The following MLXIPL variants were observed in gnomAD, a reference collection of about 807,000 sequenced individuals.
MLXIPL encodes the protein MLX interacting protein like.
A neutral mutation model predicts 81.5 loss-of-function variants in MLXIPL; 49 were observed. That is an observed-to-expected ratio of 0.60 (90% CI 0.48 to 0.76). The LOEUF (loss-of-function observed/expected upper bound fraction) is 0.76. Ranked by LOEUF, MLXIPL falls within the 30% of genes least tolerant of loss-of-function variation. The pLI is 0.00. For missense variants in MLXIPL, 1,053 were observed against 1,167.0 expected (o/e 0.90, Z 1.42); for synonymous variants, 466 against 485.5 (o/e 0.96, Z 0.53).
chr7:73,637,084 T>A, the MLXIPL span, among the ~76,000 whole-genome samples: 1 of 146,148 alleles, frequency 6.8e-6, no homozygotes, highest in Non-Finnish European at 1.5e-5. Context: ...AATAACAAAC[T>A]GGGCATATAA....
chr7:73,646,232 C>T, the MLXIPL span, among the ~76,000 whole-genome samples: 2 of 152,192 alleles, frequency 1.3e-5, no homozygotes, highest in Non-Finnish European at 2.9e-5. Flanking sequence ...GGGCCATTGC[C>T]TGAAGGCACT....
At chr7:73,639,085 G>A in the MLXIPL span, among the ~76,000 whole-genome samples, 2 of 152,104 alleles carry the variant, frequency 1.3e-5, no homozygotes, top group East Asian at 1.9e-4. Flanking sequence ...ATGAGTGGAC[G>A]GTGGGGAGGA....
the MLXIPL span, among the ~76,000 whole-genome samples, chr7:73,635,808 A>G: frequency 3.3e-5 from 5 of 151,928 alleles, no homozygotes; most frequent in African/African-American, 9.7e-5. Context: ...GTATACACCT[A>G]CCTAACTTTC....
chr7:73,645,408 G>A, the MLXIPL span, among the ~76,000 whole-genome samples: 1 of 152,086 alleles, frequency 6.6e-6, no homozygotes, highest in Non-Finnish European at 1.5e-5. Context: ...TCCCTTGTTG[G>A]GGGCCCCCTT....
rs1554592558 is a variant in MLXIPL at position 73,593,512 on chromosome 7, G to A, written c.*353C>T. The A allele has an allele frequency of 2.7e-5, 9 of 330,552 alleles. No individual in the cohort carries two copies. Among genetic ancestry groups the A allele is most frequent in the East Asian group, 7.6e-5 (1 of 13,212 alleles). 20.5% of individuals were successfully genotyped at this position (330,552 alleles called of 1,614,324 possible). A position where few individuals can be genotyped will look rare whatever the true frequency, so the allele number is the denominator to read the frequency against. The stretch of plus-strand genomic sequence containing the variant: ...CTCCTCTTTCCACCGTTGAGCCCCC[G>A]GAGTTGCCAGCCTAGGCCCCCAATG... On this transcript the variant is annotated 3_prime_UTR_variant, in exon 17 of 17. Coordinates refer to ENST00000313375, the MANE Select transcript of MLXIPL (RefSeq NM_032951.3).
rs1554593336 is a variant in MLXIPL at position 73,595,620 on chromosome 7, G to A, written c.2310+17C>T. ...CAGCCCCTGCAGCCCCCCAGCCATG[G>A]GCTTGAGGGAGGATACCACCCAGAA... On this transcript the variant is annotated intron_variant, in intron 15 of 16. Transcript: ENST00000313375. The A allele has an allele frequency of 1.2e-6, 2 of 1,614,112 alleles. No homozygotes were observed. Among genetic ancestry groups the A allele is most frequent in the Non-Finnish European group, 1.7e-6 (2 of 1,179,986 alleles).
At position 73,596,039 on chromosome 7, in the gene MLXIPL, G is replaced by T. The variant is rs782637900; in HGVS notation, c.2059-70C>A. On this transcript the variant is annotated intron_variant, in intron 13 of 16. Coordinates refer to ENST00000313375, the MANE Select transcript of MLXIPL (RefSeq NM_032951.3). The surrounding 1 kb of genome is among the most constrained non-coding windows in gnomAD (Gnocchi z 4.7). ...ACCCTGGGACCCACTGAGGCACTGG[G>T]ATGGGAGGAGGCAAGAGTGTCTGGA... is the stretch of plus-strand genomic sequence containing the variant. 1 of 1,604,298 alleles carries T rather than the reference G, an allele frequency of 6.2e-7. No individual in the cohort carries two copies. The highest frequency in any genetic ancestry group is 8.5e-7 in the Non-Finnish European group (1 of 1,177,966).
In MLXIPL at chr7:73,606,115, G is replaced by A. The variant is rs782133122; in HGVS notation, c.619-4C>T. ...GCGGCGGCCACCTGCCTTCCGCCTA[G>A]GGAGACAGAGCCGTCAGCAGCCGCT... On this transcript the variant is annotated splice_region_variant and splice_polypyrimidine_tract_variant and intron_variant, in intron 5 of 16. Transcript: ENST00000313375. The A allele has an allele frequency of 4.5e-6, 7 of 1,569,068 alleles. No individual in the cohort carries two copies. In the South Asian group the frequency reaches 7.0e-5, roughly 16 times the overall value.
chr7:73,629,974 T>TATTA, the MLXIPL span, among the ~76,000 whole-genome samples: 1 of 143,534 alleles, frequency 7.0e-6, no homozygotes, highest in Non-Finnish European at 1.5e-5. Context: ...TTTTTATTAT[T>TATTA]TTTATTTATT....
chr7:73,629,243 T>C (rs373032109), upstream of MLXIPL, among the ~76,000 whole-genome samples: 1 of 152,082 alleles, frequency 6.6e-6, no homozygotes, highest in South Asian at 2.1e-4. Context: ...GGTTTCACCA[T>C]GTTGGTCAGG....
chr7:73,631,936 CTCT>C, the MLXIPL span, among the ~76,000 whole-genome samples: 1 of 127,122 alleles, frequency 7.9e-6, no homozygotes, highest in Non-Finnish European at 1.7e-5. Context: ...CCCTCCCCTC[CTCT>C]TCTTTTCTCT....
At chr7:73,619,595 C>CTGGA (rs1796208480) in intron 1 of MLXIPL, among the ~76,000 whole-genome samples, 2 of 151,884 alleles carry the variant, frequency 1.3e-5, no homozygotes, top group African/African-American at 4.8e-5. Flanking sequence ...CACCACTGCA[C>CTGGA]TCCAGCCTGG....
At chr7:73,628,097 C>T (rs961863225), upstream of MLXIPL, among the ~76,000 whole-genome samples, 13 of 151,872 alleles carry the variant, frequency 8.6e-5, no homozygotes, top group African/African-American at 2.4e-4. Context: ...GCTGAGACTA[C>T]GGGCATGAGC....
chr7:73,620,050 G>A (rs1370570770), intron 1 of MLXIPL, among the ~76,000 whole-genome samples: 2 of 151,932 alleles, frequency 1.3e-5, no homozygotes, highest in South Asian at 2.1e-4. Flanking sequence ...GGAGAGGATC[G>A]CTTGAACCCA....
the MLXIPL span, among the ~76,000 whole-genome samples, chr7:73,640,776 CAAAA>C: frequency 3.0e-5 from 2 of 66,778 alleles, no homozygotes; most frequent in Admixed American, 1.8e-4. Context: ...GACTCCATCT[CAAAA>C]AAAAAAAAAA....
At chr7:73,628,222 C>T (rs1380981686), upstream of MLXIPL, among the ~76,000 whole-genome samples, 2 of 152,068 alleles carry the variant, frequency 1.3e-5, no homozygotes, top group Non-Finnish European at 2.9e-5. Context: ...GCTCTGAAAA[C>T]ATCAGAGTTG....
intron 2 of MLXIPL, among the ~76,000 whole-genome samples, chr7:73,614,456 T>C (rs1244230225): frequency 6.6e-6 from 1 of 152,156 alleles, no homozygotes; most frequent in Non-Finnish European, 1.5e-5. Flanking sequence ...TGTAGATAAA[T>C]GGAAACCAGA....
intron 2 of MLXIPL, chr7:73,611,167 C>G (rs1795665654): frequency 6.6e-6 from 1 of 152,318 alleles, no homozygotes; most frequent in South Asian, 2.1e-4. Context: ...TACCTTCCCT[C>G]CTCTGCCCAC....
chr7:73,613,436 T>C (rs1554600157), intron 2 of MLXIPL, among the ~76,000 whole-genome samples: 2 of 151,838 alleles, frequency 1.3e-5, no homozygotes, highest in African/African-American at 4.8e-5. Flanking sequence ...CCGTCTCTAC[T>C]AAAAATACAA....
Sources: allele counts gnomAD v4.1 joint callset (sites outside exome capture counted in the v4.1 genomes callset), GRCh38; gene constraint gnomAD v4.1.1; non-coding constraint Gnocchi (gnomAD v3.1); transcripts MANE v1.5; gene names NCBI Gene and HGNC (gene_info 2026-07-23, HGNC 2026-07-21).